The following UNKL variants were observed in gnomAD, a reference collection of about 807,000 sequenced individuals.
The protein encoded by UNKL is unk like zinc finger.
UNKL carries 60 observed loss-of-function variants against 78.0 expected under a neutral mutation model. The observed-to-expected ratio is 0.77, with a 90% CI of 0.63 to 0.95. UNKL has a LOEUF of 0.95. Among genes scored for constraint, UNKL ranks in the 40% least tolerant of loss-of-function variants. UNKL has a pLI of 0.00. For synonymous variants in UNKL, 608 were observed against 474.8 expected (o/e 1.28, Z -3.65); for missense variants, 1,159 against 1,045.7 (o/e 1.11, Z -1.49).
intron 12 of UNKL, 83 bp from the exon 13 acceptor site, chr16:1,367,941 C>T (rs1693915919): frequency 2.3e-6 from 3 of 1,309,002 alleles, no homozygotes; most frequent in Middle Eastern, 2.6e-4. Context: ...CCCCAGGCCC[C>T]ACCGCTACGT....
chr16:1,379,946 T>G (rs984331270), intron 10 of UNKL, among the ~76,000 whole-genome samples: 9 of 152,292 alleles, frequency 5.9e-5, no homozygotes, highest in Admixed American at 2.6e-4. Context: ...CACCTGCAGC[T>G]GCTCCGGGCG....
chr16:1,407,687 C>T (rs1468382813), intron 2 of UNKL, among the ~76,000 whole-genome samples: 2 of 147,916 alleles, frequency 1.4e-5, no homozygotes, highest in East Asian at 3.9e-4. Context: ...CAGAGTGAGG[C>T]CCTGTCAAAA....
At chr16:1,379,587 C>T in intron 10 of UNKL, 1 of 985,306 alleles carries the variant, frequency 1.0e-6, no homozygotes, top group Non-Finnish European at 1.2e-6. Flanking sequence ...AGTAACGAGA[C>T]CCGCACCTTG....
In UNKL at chr16:1,366,137, G is replaced by A. The variant is rs60695599; in HGVS notation, c.*103C>T. 2,657 of 1,319,370 alleles carry A rather than the reference G, an allele frequency of 2.0e-3. 38 individuals are homozygous for A. In the African/African-American group the frequency reaches 0.032, roughly 16 times the overall value. 81.7% of individuals were successfully genotyped at this position (1,319,370 alleles called of 1,614,324 possible). Reference sequence around the variant, plus strand: ...TGTAACAGGAAGGGCTCCCAGCCTCGGTCCTCACGTCGGTGGCACCAGAAG... The same window carrying A: ...TGTAACAGGAAGGGCTCCCAGCCTCAGTCCTCACGTCGGTGGCACCAGAAG... On this transcript the variant is annotated 3_prime_UTR_variant, in exon 15 of 15. Transcript: ENST00000389221.
Position 1,413,840 on chromosome 16 carries a change from G to T in UNKL, c.287+6C>A, listed in dbSNP as rs2038159789. On this transcript the variant is annotated splice_donor_region_variant and intron_variant, in intron 2 of 14. Coordinates refer to ENST00000389221, the MANE Select transcript of UNKL (RefSeq NM_001372107.1). ...CAGGCAGCGGCGCCCCCTCGCGGCC[G>T]CTTACTCGTCGCCGTCGGGGCACAC... 2.0e-6 allele frequency: 3 copies of T among 1,518,236 alleles called. No individual in the cohort carries two copies. In the African/African-American group the frequency reaches 4.2e-5, roughly 21 times the overall value. 94.0% of individuals were successfully genotyped at this position (1,518,236 alleles called of 1,614,324 possible).
chr16:1,412,985 C>A (rs1363776921), intron 2 of UNKL, among the ~76,000 whole-genome samples: 1 of 152,102 alleles, frequency 6.6e-6, no homozygotes, highest in Non-Finnish European at 1.5e-5. Context: ...CAGTGGCTCA[C>A]ACCTGGAATC....
At chr16:1,379,476 G>A (rs2036487251) in intron 10 of UNKL, 1 of 985,202 alleles carries the variant, frequency 1.0e-6, no homozygotes, top group South Asian at 4.7e-5. Context: ...GGGCCTCTGA[G>A]AAGCCCGGGC....
In UNKL at chr16:1,385,255, C is replaced by T. The variant is rs957863158; in HGVS notation, c.1217G>A (p.Arg406His). ...SPTALPAPPA[R>H]ALPLGPASST... The stretch of plus-strand genomic sequence containing the variant: ...GCTGGCGGGGCCGAGCGGGAGGGCA[C>T]GGGCGGGGGGCGCGGGCAGCGCAGT... Residue 406 changes from arginine to histidine, a missense_variant, in exon 10 of 15, where the codon CGT becomes CAT. Transcript: ENST00000389221. The T allele has an allele frequency of 1.4e-5, 18 of 1,310,850 alleles. No homozygotes were observed. The highest frequency in any genetic ancestry group is 6.1e-5 in the South Asian group (3 of 48,924). 81.2% of individuals were successfully genotyped at this position (1,310,850 alleles called of 1,614,324 possible).
chr16:1,368,608 CAAA>C (rs757374554), intron 12 of UNKL, among the ~76,000 whole-genome samples: 473 of 42,128 alleles, frequency 0.011, no homozygotes, highest in African/African-American at 0.038. Context: ...GACTCCGTCT[CAAA>C]AAAAAAAAAA....
rs1176807682 is a variant in UNKL at position 1,394,221 on chromosome 16, GA to G, written c.853-7del. Reference sequence around the variant, plus strand: ...CATTTTGTAGATTTGTAGATCTGGGGAAAAAAGTGAAATAAAGAGGTTGGAT... The same window carrying G: ...CATTTTGTAGATTTGTAGATCTGGGGAAAAAGTGAAATAAAGAGGTTGGAT... On this transcript the variant is annotated splice_region_variant and splice_polypyrimidine_tract_variant and intron_variant, in intron 6 of 14. Transcript: ENST00000389221. The G allele has an allele frequency of 1.2e-5, 18 of 1,550,524 alleles. No homozygotes were observed. Among genetic ancestry groups the G allele is most frequent in the Non-Finnish European group, 1.6e-5 (18 of 1,146,964 alleles).
Position 1,397,025 on chromosome 16 carries a change from C to A in UNKL, c.852+153G>T, listed in dbSNP as rs892709447. The A allele has an allele frequency of 8.0e-6, 6 of 748,704 alleles. No individual in the cohort carries two copies. In the African/African-American group the frequency reaches 8.7e-5, roughly 11 times the overall value. The allele number at this position is 748,704 out of a possible 1,614,324, so 46.4% of individuals were successfully genotyped here. On this transcript the variant is annotated intron_variant, in intron 6 of 14. Coordinates refer to ENST00000389221, the MANE Select transcript of UNKL (RefSeq NM_001372107.1). ...AAGCAAGACAAGCAAGCAGGTACAG[C>A]CCTCATGCCTCCACCCCCAGGCTTC... is the stretch of plus-strand genomic sequence containing the variant.
intron 12 of UNKL, chr16:1,369,843 C>T (rs761352934): frequency 2.6e-5 from 29 of 1,120,618 alleles, no homozygotes; most frequent in East Asian, 1.3e-4. Flanking sequence ...GGCGTGGTGG[C>T]GCCCGCCTGT....
At chr16:1,385,565 G>T in intron 9 of UNKL, 180 bp from the exon 10 acceptor site, 1 of 520,706 alleles carries the variant, frequency 1.9e-6, no homozygotes, top group Non-Finnish European at 3.0e-6. Context: ...CACCAGGACG[G>T]CAGGGCAGCG....
chr16:1,399,628 G>A lies in UNKL; in HGVS notation c.599-119C>T. The A allele has an allele frequency of 6.8e-7, 1 of 1,464,980 alleles. No individual in the cohort carries two copies. The highest frequency in any genetic ancestry group is 9.2e-7 in the Non-Finnish European group (1 of 1,089,188). 90.7% of individuals were successfully genotyped at this position (1,464,980 alleles called of 1,614,324 possible). A position where few individuals can be genotyped will look rare whatever the true frequency, so the allele number is the denominator to read the frequency against. On this transcript the variant is annotated intron_variant, in intron 4 of 14. Transcript: ENST00000389221. This position sits in a 1 kb window ranked among gnomAD's most constrained non-coding sequence, Gnocchi z 5.8. ...ATGGAAGGGGCTGCAGGAGGACTTG[G>A]GGAGCGCAGACACACGCCACGGCAC...
chr16:1,409,250 G>C (rs2037925313), intron 2 of UNKL, among the ~76,000 whole-genome samples: 2 of 152,314 alleles, frequency 1.3e-5, no homozygotes, highest in South Asian at 4.1e-4. Flanking sequence ...TAAAGAAAAG[G>C]AAGGCCCTGT....
chr16:1,378,723 G>C (rs769163499), intron 10 of UNKL, among the ~76,000 whole-genome samples: 17 of 152,114 alleles, frequency 1.1e-4, no homozygotes, highest in Non-Finnish European at 2.4e-4. Context: ...GAGCGTGTGG[G>C]TGCCCCCGAG....
intron 12 of UNKL, among the ~76,000 whole-genome samples, chr16:1,369,515 A>G (rs1279821771): frequency 6.6e-6 from 1 of 151,884 alleles, no homozygotes; most frequent in East Asian, 1.9e-4. Flanking sequence ...GGTTACAGGC[A>G]TGCACCACCA....
At position 1,403,970 on chromosome 16, in the gene UNKL, C is replaced by T. The variant is rs939822803; in HGVS notation, c.288-626G>A. On this transcript the variant is annotated intron_variant, in intron 2 of 14. Transcript: ENST00000389221. The surrounding 1 kb of genome is among the most constrained non-coding windows in gnomAD (Gnocchi z 4.8). ...CCAGAGCCATGCTCCTGGGGAGTCA[C>T]AGGCAGCTCCTGAAGCACGATGGGG... 6.6e-6 allele frequency among the ~76,000 whole-genome samples: 1 copy of T among 152,192 alleles called. No individual in the cohort carries two copies. Among genetic ancestry groups the T allele is most frequent in the Non-Finnish European group, 1.5e-5 (1 of 68,028 alleles).
At chr16:1,388,810 C>T (rs1005533794) in intron 9 of UNKL, among the ~76,000 whole-genome samples, 17 of 152,108 alleles carry the variant, frequency 1.1e-4, no homozygotes, top group African/African-American at 2.7e-4. Context: ...ACCGCACCTC[C>T]GCTAACACCA....
Sources: allele counts gnomAD v4.1 joint callset (sites outside exome capture counted in the v4.1 genomes callset), GRCh38; gene constraint gnomAD v4.1.1; non-coding constraint Gnocchi (gnomAD v3.1); transcripts MANE v1.5; gene names NCBI Gene and HGNC (gene_info 2026-07-23, HGNC 2026-07-21).